TMEM163: variants seen among roughly 807,000 people sequenced by gnomAD.
The protein encoded by TMEM163 is transmembrane protein 163.
A neutral mutation model predicts 29.3 loss-of-function variants in TMEM163; 17 were observed. The ratio of observed to expected loss-of-function variants is 0.58; its 90% confidence interval spans 0.40 to 0.87. The LOEUF is 0.87. Ranked by LOEUF, TMEM163 falls within the 40% of genes least tolerant of loss-of-function variation. The pLI is 0.00. For synonymous variants in TMEM163, 157 were observed against 160.6 expected (o/e 0.98, Z 0.17); for missense variants, 303 against 381.5 (o/e 0.79, Z 1.71).
intron 2 of TMEM163, among the ~76,000 whole-genome samples, chr2:134,566,399 TA>T (rs1413899270): frequency 6.6e-6 from 1 of 152,046 alleles, no homozygotes; most frequent in African/African-American, 2.4e-5. Flanking sequence ...CCGTCTCTAC[TA>T]AAAAACACGA....
Position 134,584,416 on chromosome 2 carries a change from G to T in TMEM163, c.323-32325C>A, listed in dbSNP as rs77330659. Among the ~76,000 whole-genome samples the T allele has an allele frequency of 3.0e-3, 457 of 152,290 alleles. 10 individuals are homozygous for T. In the East Asian group the frequency reaches 0.062, roughly 21 times the overall value. On this transcript the variant is annotated intron_variant, in intron 2 of 7. Coordinates refer to ENST00000281924, the MANE Select transcript of TMEM163 (RefSeq NM_030923.5). ...TGCACTAAGATCCTACAAGGCAGAGGTCATGGAATGAATGTCCAGAGATCA... is the reference window on the plus strand; with the variant it reads ...TGCACTAAGATCCTACAAGGCAGAGTTCATGGAATGAATGTCCAGAGATCA...
At chr2:134,461,004 C>A (rs990023892) in intron 6 of TMEM163, among the ~76,000 whole-genome samples, 1 of 152,234 alleles carries the variant, frequency 6.6e-6, no homozygotes, top group Non-Finnish European at 1.5e-5. Flanking sequence ...TGGCCACCTG[C>A]CACTTTGCTC....
chr2:134,715,682 A>G (rs1189095032), intron 1 of TMEM163, among the ~76,000 whole-genome samples: 1 of 152,160 alleles, frequency 6.6e-6, no homozygotes, highest in African/African-American at 2.4e-5. Context: ...CTCCACACTC[A>G]TGTTGGATGC....
At chr2:134,551,517 A>C (rs6430525) in intron 3 of TMEM163, among the ~76,000 whole-genome samples, 18,527 of 152,082 alleles carry the variant, frequency 0.12, 2,202 homozygotes, top group African/African-American at 0.31. Flanking sequence ...CTGGAAAATC[A>C]CAAGCACTAG....
intron 2 of TMEM163, among the ~76,000 whole-genome samples, chr2:134,585,741 C>CCAA (rs1681808975): frequency 7.1e-6 from 1 of 141,734 alleles, no homozygotes; most frequent in Non-Finnish European, 1.5e-5. Flanking sequence ...GACTCCGTCT[C>CCAA]AAAAAAAAAA....
At chr2:134,489,048 T>G (rs1265069791) in intron 5 of TMEM163, among the ~76,000 whole-genome samples, 1 of 152,022 alleles carries the variant, frequency 6.6e-6, no homozygotes, top group Non-Finnish European at 1.5e-5. Flanking sequence ...AAATGAAACA[T>G]GGGCATAGTC....
chr2:134,596,029 T>C (rs1682072428), intron 2 of TMEM163, among the ~76,000 whole-genome samples: 1 of 152,222 alleles, frequency 6.6e-6, no homozygotes, highest in Non-Finnish European at 1.5e-5. Context: ...GTCAGATAAG[T>C]AGATTGCAAA....
chr2:134,458,238 C>A, intron 6 of TMEM163, 65 bp from the exon 7 acceptor site: 2 of 1,591,250 alleles, frequency 1.3e-6, no homozygotes, highest in Non-Finnish European at 1.7e-6. Context: ...CACCCAAATG[C>A]CAGTCCTGCC....
intron 2 of TMEM163, among the ~76,000 whole-genome samples, chr2:134,606,549 T>A (rs1468670691): frequency 6.6e-6 from 1 of 152,100 alleles, no homozygotes; most frequent in African/African-American, 2.4e-5. Context: ...GCTCCCTGCC[T>A]CTACCCGCCT....
At chr2:134,536,360 TG>T (rs1334183843) in intron 4 of TMEM163, among the ~76,000 whole-genome samples, 1 of 152,180 alleles carries the variant, frequency 6.6e-6, no homozygotes, top group African/African-American at 2.4e-5. Context: ...GACACCCCGG[TG>T]GCAGTGACTG....
At chr2:134,503,661 TC>T (rs772385871) in intron 4 of TMEM163, among the ~76,000 whole-genome samples, 3 of 152,024 alleles carry the variant, frequency 2.0e-5, no homozygotes, top group Non-Finnish European at 4.4e-5. Context: ...TAAGAGAAAC[TC>T]TAAAAGGCAG....
intron 2 of TMEM163, among the ~76,000 whole-genome samples, chr2:134,694,617 C>T (rs917961745): frequency 6.6e-6 from 1 of 152,180 alleles, no homozygotes; most frequent in Non-Finnish European, 1.5e-5. Flanking sequence ...TAAGCTTCTC[C>T]TTTCAGGAGA....
chr2:134,570,507 T>TATACATATACATATACACATACAC (rs1553481946), intron 2 of TMEM163, among the ~76,000 whole-genome samples: 22 of 127,164 alleles, frequency 1.7e-4, no homozygotes, highest in African/African-American at 6.2e-4. Flanking sequence ...TACATATACA[T>TATACATATACATATACACATACAC]ATACATATAC....
chr2:134,672,863 A>C (rs1158758275), intron 2 of TMEM163, among the ~76,000 whole-genome samples: 2 of 152,130 alleles, frequency 1.3e-5, no homozygotes, highest in Non-Finnish European at 2.9e-5. Flanking sequence ...CCCTGGACTC[A>C]GTCCCAATGC....
chr2:134,624,916 T>C (rs1245553606), intron 2 of TMEM163, among the ~76,000 whole-genome samples: 4 of 151,796 alleles, frequency 2.6e-5, no homozygotes, highest in Non-Finnish European at 5.9e-5. Context: ...TCTCAAAAAA[T>C]AAAAATAAAA....
intron 2 of TMEM163, among the ~76,000 whole-genome samples, chr2:134,652,742 G>C (rs2104849592): frequency 7.6e-6 from 1 of 131,882 alleles, no homozygotes; most frequent in Middle Eastern, 3.5e-3. Context: ...TTTATTGAGA[G>C]TTTTTAGCAT....
intron 4 of TMEM163, among the ~76,000 whole-genome samples, chr2:134,509,980 AG>A (rs1679912702): frequency 6.6e-6 from 1 of 152,196 alleles, no homozygotes; most frequent in Non-Finnish European, 1.5e-5. Flanking sequence ...CTATTTCAGC[AG>A]GAGTTCAAAA....
chr2:134,708,281 G>A (rs1199690904), intron 2 of TMEM163, among the ~76,000 whole-genome samples: 1 of 152,180 alleles, frequency 6.6e-6, no homozygotes, highest in Non-Finnish European at 1.5e-5. Context: ...GTCTCCCAAT[G>A]TGTCTGTCAG....
chr2:134,500,520 C>T (rs1054994653), intron 5 of TMEM163, among the ~76,000 whole-genome samples: 17 of 152,192 alleles, frequency 1.1e-4, no homozygotes, highest in Non-Finnish European at 1.5e-4. Flanking sequence ...CATCTGGCAT[C>T]GCTTCTTCAG....
Sources: gnomAD v4.1 joint callset for allele counts (sites outside exome capture counted in the v4.1 genomes callset) on GRCh38, gnomAD v4.1.1 for gene constraint, MANE v1.5 for transcripts, NCBI Gene and HGNC (gene_info 2026-07-23, HGNC 2026-07-21) for gene names.